The following ATG4C variants were observed in gnomAD, a reference collection of about 807,000 sequenced individuals.
ATG4C encodes autophagy related 4C cysteine peptidase.
A neutral mutation model predicts 57.6 loss-of-function variants in ATG4C; 56 were observed. The observed-to-expected ratio is 0.97, with a 90% confidence interval of 0.78 to 1.21. The LOEUF (loss-of-function observed/expected upper bound fraction) is 1.21. Among genes scored for constraint, ATG4C ranks in the 50% most tolerant of loss-of-function variants. The pLI is 0.00. For synonymous variants in ATG4C, 157 were observed against 174.1 expected (o/e 0.90, Z 0.78); for missense variants, 595 against 529.8 (o/e 1.12, Z -1.21).
chr1:62,844,499 GTAGAT>G (rs1347145345), intron 10 of ATG4C, among the ~76,000 whole-genome samples: 1 of 152,154 alleles, frequency 6.6e-6, no homozygotes, highest in African/African-American at 2.4e-5. Flanking sequence ...GTCTAGAAAA[GTAGAT>G]TAGAATAATA....
At chr1:62,815,014 A>G (rs1383245033) in intron 3 of ATG4C, among the ~76,000 whole-genome samples, 5 of 152,158 alleles carry the variant, frequency 3.3e-5, no homozygotes, top group Non-Finnish European at 7.4e-5. Context: ...GCAGTAAGTC[A>G]AGATTGCACC....
Position 62,819,315 on chromosome 1 carries a change from T to A in ATG4C, c.705T>A (p.Ala235=), listed in dbSNP as rs756893631. The A allele has an allele frequency of 2.5e-6, 4 of 1,590,058 alleles. No individual in the cohort carries two copies. The Admixed American group carries it at 5.6e-5, about 22-fold the overall frequency. Residue 235 remains alanine (A), a synonymous_variant, in exon 5 of 11, where the codon GCT becomes GCA. Coordinates refer to ENST00000317868, the MANE Select transcript of ATG4C (RefSeq NM_032852.4). ...AAGCAGGAGATTGGTATGGACCAGC[T>A]GTGGTTGCTCACATTTTAAGGTAAA... ...GKKAGDWYGP[A]VVAHILRKAV...
chr1:62,785,844 G>A (rs1037792785), intron 1 of ATG4C, among the ~76,000 whole-genome samples: 7 of 151,816 alleles, frequency 4.6e-5, no homozygotes, highest in African/African-American at 9.7e-5. Context: ...GATTTGGGGC[G>A]AAATATATTT....
chr1:62,818,133 G>A (rs1572126494), intron 4 of ATG4C, among the ~76,000 whole-genome samples: 1 of 152,056 alleles, frequency 6.6e-6, no homozygotes, highest in Admixed American at 6.6e-5. Flanking sequence ...ATTCAAAACA[G>A]TGACATAATG....
chr1:62,816,862 A>G lies in ATG4C; in HGVS notation c.394+54A>G, dbSNP rs191499581. On this transcript the variant is annotated intron_variant, in intron 4 of 10. Transcript: ENST00000317868. ...TTTGTTTTGTTTTTTTGTCGTCGAT[A>G]TTTTTCCATTTGAATTCCAGCTTAC... 2.5e-4 allele frequency: 328 copies of G among 1,329,804 alleles called. No individual in the cohort carries two copies. The African/African-American group carries it at 4.4e-3, about 18-fold the overall frequency. The allele number at this position is 1,329,804 out of a possible 1,614,324, so 82.4% of individuals were successfully genotyped here.
At chr1:62,827,142 C>T (rs1411605109) in intron 6 of ATG4C, among the ~76,000 whole-genome samples, 1 of 152,128 alleles carries the variant, frequency 6.6e-6, no homozygotes, top group Non-Finnish European at 1.5e-5. Context: ...GGCTTCCCAT[C>T]ATTGAAAAAC....
chr1:62,799,858 T>A (rs554621431), intron 1 of ATG4C, among the ~76,000 whole-genome samples: 20 of 151,290 alleles, frequency 1.3e-4, no homozygotes, highest in African/African-American at 4.9e-4. Context: ...TACTGGGTCA[T>A]ATTCATTCTT....
chr1:62,851,363 T>C (rs1025771380), intron 10 of ATG4C, among the ~76,000 whole-genome samples: 2 of 152,216 alleles, frequency 1.3e-5, no homozygotes, highest in Non-Finnish European at 2.9e-5. Context: ...CCTTGCCATT[T>C]TACTTCCCAC....
chr1:62,817,938 AT>A (rs1288305805), intron 4 of ATG4C, among the ~76,000 whole-genome samples: 1 of 152,160 alleles, frequency 6.6e-6, no homozygotes, highest in African/African-American at 2.4e-5. Flanking sequence ...GAGAATGTTT[AT>A]TGAAGAATGG....
Position 62,864,144 on chromosome 1 carries a change from G to A in ATG4C, c.1362G>A (p.Glu454=). ...AATTAAAAAGATTTAGCACGGAAGA[G>A]TTTGTCTTGCTTTAAAGATTAGCAC... is the stretch of plus-strand genomic sequence containing the variant. ...KKQLKRFSTE[E]FVLL Residue 454 remains glutamate (E), a synonymous_variant, in exon 11 of 11, where the codon GAG becomes GAA. Transcript: ENST00000317868. The A allele has an allele frequency of 1.2e-6, 2 of 1,600,216 alleles. No individual in the cohort carries two copies. The highest frequency in any genetic ancestry group is 2.3e-5 in the East Asian group (1 of 44,436).
At chr1:62,815,788 G>C (rs371590877) in intron 3 of ATG4C, among the ~76,000 whole-genome samples, 1 of 152,182 alleles carries the variant, frequency 6.6e-6, no homozygotes, top group Non-Finnish European at 1.5e-5. Flanking sequence ...GAGTTCAAAC[G>C]ATTCCCTTGC....
intron 7 of ATG4C, among the ~76,000 whole-genome samples, chr1:62,830,646 G>A (rs1665812231): frequency 6.6e-6 from 1 of 152,026 alleles, no homozygotes; most frequent in Admixed American, 6.6e-5. Context: ...CATTGTATGA[G>A]GAGAAGGAAA....
chr1:62,828,331 A>G (rs979981083), intron 6 of ATG4C, among the ~76,000 whole-genome samples: 5 of 152,142 alleles, frequency 3.3e-5, no homozygotes, highest in Non-Finnish European at 7.4e-5. Context: ...TGACTTTTTA[A>G]TAATAGCCAT....
intron 9 of ATG4C, among the ~76,000 whole-genome samples, chr1:62,837,868 G>A (rs1469702160): frequency 1.3e-5 from 2 of 152,132 alleles, no homozygotes; most frequent in East Asian, 3.9e-4. Context: ...TCAGCCCACT[G>A]TAGCCTTGAC....
Position 62,819,211 on chromosome 1 carries a change from A to G in ATG4C, c.601A>G (p.Ile201Val). 6.2e-7 allele frequency: 1 copy of G among 1,613,602 alleles called. No individual in the cohort carries two copies. Among genetic ancestry groups the G allele is most frequent in the South Asian group, 1.1e-5 (1 of 91,042 alleles). The change falls in exon 5 of 11, where the codon ATC (isoleucine) becomes GTC (valine). Residue 201 changes from isoleucine to valine, a missense_variant. Ile to Val is a conservative substitution (Grantham distance 29). Transcript: ENST00000317868. ...MRNEVYHRKI[I>V]SWFGDSPLAL... ...AAATGAAGTTTATCATAGGAAAATCATCTCTTGGTTTGGTGATTCCCCCTT... is the reference window on the plus strand; with the variant it reads ...AAATGAAGTTTATCATAGGAAAATCGTCTCTTGGTTTGGTGATTCCCCCTT...
chr1:62,800,828 G>C (rs1215618917), intron 1 of ATG4C, among the ~76,000 whole-genome samples: 1 of 152,196 alleles, frequency 6.6e-6, no homozygotes, highest in Non-Finnish European at 1.5e-5. Flanking sequence ...AATGAATGTG[G>C]TGATACAGGA....
intron 6 of ATG4C, among the ~76,000 whole-genome samples, chr1:62,826,144 A>G (rs1340611181): frequency 6.6e-6 from 1 of 151,144 alleles, no homozygotes; most frequent in Non-Finnish European, 1.5e-5. Context: ...CCTGACCTCA[A>G]GTGATCCACC....
chr1:62,834,644 A>G, intron 8 of ATG4C, 132 bp from the exon 9 acceptor site: 5 of 658,274 alleles, frequency 7.6e-6, no homozygotes, highest in African/African-American at 1.8e-5. Flanking sequence ...CCTATGTTTC[A>G]GTCAATGAAT....
Position 62,841,527 on chromosome 1 carries a change from G to A in ATG4C, c.1189G>A (p.Ala397Thr). The change falls in exon 10 of 11, where the codon GCT (alanine) becomes ACT (threonine). Residue 397 changes from alanine to threonine, a missense_variant. Ala to Thr is a moderately conservative substitution (Grantham distance 58). Coordinates refer to ENST00000317868, the MANE Select transcript of ATG4C (RefSeq NM_032852.4). ...TCGAAATGTTCAGGACTTCAAACGA[G>A]CTTCTGAAGAAATCACCAAGGTATC... ...YCRNVQDFKR[A>T]SEEITKMLKF... 6.3e-7 allele frequency: 1 copy of A among 1,588,452 alleles called. No individual in the cohort carries two copies. Among genetic ancestry groups the A allele is most frequent in the Non-Finnish European group, 8.6e-7 (1 of 1,167,564 alleles).
Sources: gnomAD v4.1 joint callset for allele counts (sites outside exome capture counted in the v4.1 genomes callset) on GRCh38, gnomAD v4.1.1 for gene constraint, MANE v1.5 for transcripts, NCBI Gene and HGNC (gene_info 2026-07-23, HGNC 2026-07-21) for gene names.